The following TRIO variants were observed in gnomAD, a reference collection of about 807,000 sequenced individuals.
TRIO encodes trio Rho guanine nucleotide exchange factor, also known as triple functional domain protein.
Under a neutral mutation model 351.9 loss-of-function variants are expected in TRIO, and 58 were observed. The observed-to-expected ratio is 0.16, with a 90% confidence interval of 0.13 to 0.21. The LOEUF is 0.21. Ranked by LOEUF, TRIO falls within the 10% of genes least tolerant of loss-of-function variation. The pLI is 1.00. For synonymous variants in TRIO, 1,758 were observed against 1,595.7 expected (o/e 1.10, Z -2.42); for missense variants, 3,201 against 4,027.8 (o/e 0.79, Z 5.56).
intron 1 of TRIO, among the ~76,000 whole-genome samples, chr5:14,147,694 A>C (rs947663154): frequency 2.1e-4 from 32 of 152,192 alleles, no homozygotes; most frequent in African/African-American, 7.7e-4. Context: ...ACATACTTTT[A>C]TATATTTTGA....
intron 11 of TRIO, among the ~76,000 whole-genome samples, chr5:14,353,580 G>A (rs766877513): frequency 1.1e-4 from 16 of 152,104 alleles, no homozygotes; most frequent in Non-Finnish European, 2.4e-4. Context: ...ACTTTTTGAG[G>A]CAGGCATTAT....
rs2126624219 is a variant in TRIO at position 14,485,093 on chromosome 5, A to T, written c.6682A>T (p.Asn2228Tyr). The T allele has an allele frequency of 6.5e-7, 1 of 1,545,436 alleles. No homozygotes were observed. The highest frequency in any genetic ancestry group is 1.7e-4 in the Middle Eastern group (1 of 5,784). ...GGTGAGTTGCCTTTGCCTGGAGGAA[A>T]ATGTGGAAAATGATCCCTGTAAATT... ...IKVSCLCLEE[N>Y]VENDPCKFAL... The change falls in exon 47 of 57, where the codon AAT becomes TAT. Residue 2228 changes from asparagine to tyrosine, a missense_variant. Transcript: ENST00000344204.
At chr5:14,344,961 A>G (rs772779625) in intron 11 of TRIO, among the ~76,000 whole-genome samples, 1 of 152,350 alleles carries the variant, frequency 6.6e-6, no homozygotes. Flanking sequence ...CTTAGATCCC[A>G]GCTAAAGTTT....
intron 3 of TRIO, among the ~76,000 whole-genome samples, chr5:14,283,929 G>A (rs375787050): frequency 1.0e-3 from 153 of 151,956 alleles, no homozygotes; most frequent in South Asian, 5.0e-3. Context: ...AATGTCTCTC[G>A]GTGGCTGTTG....
chr5:14,358,444 C>G, intron 12 of TRIO, 97 bp downstream of exon 12: 1 of 1,439,814 alleles, frequency 6.9e-7, no homozygotes, highest in Non-Finnish European at 9.5e-7. Flanking sequence ...CTCTGCTTCT[C>G]TGTCCAGCTG....
intron 28 of TRIO, 129 bp from the exon 29 acceptor site, chr5:14,396,914 C>T (rs1747649783): frequency 1.4e-6 from 1 of 710,732 alleles, no homozygotes; most frequent in Non-Finnish European, 2.4e-6. Context: ...TCTATGAGAA[C>T]ATATGCCCAG....
At chr5:14,485,312 C>G in intron 47 of TRIO, 66 bp downstream of exon 47, 1 of 1,460,260 alleles carries the variant, frequency 6.8e-7, no homozygotes, top group Non-Finnish European at 9.2e-7. Flanking sequence ...ATTTATCTTC[C>G]CTCTCCCATT....
At chr5:14,296,923 A>G in intron 6 of TRIO, 149 bp from the exon 7 acceptor site, 2 of 516,940 alleles carry the variant, frequency 3.9e-6, no homozygotes, top group Non-Finnish European at 6.6e-6. Context: ...GCAAATATGT[A>G]TAATATTATA....
chr5:14,479,849 A>G, intron 42 of TRIO, 70 bp from the exon 43 acceptor site: 1 of 1,413,998 alleles, frequency 7.1e-7, no homozygotes, highest in Admixed American at 1.8e-5. Context: ...CTTTCTGACA[A>G]TTACAAAGAC....
Position 14,389,926 on chromosome 5 carries a change from G to A in TRIO, c.4059-305G>A, listed in dbSNP as rs115754602. On this transcript the variant is annotated intron_variant, in intron 25 of 56. Transcript: ENST00000344204. ...GATGAGATGATGCTGGGGTCAGCAAGAGCGCAGTCCCCTCACCCCTCAGCA... is the reference window on the plus strand; with the variant it reads ...GATGAGATGATGCTGGGGTCAGCAAAAGCGCAGTCCCCTCACCCCTCAGCA... Among the ~76,000 whole-genome samples the A allele has an allele frequency of 9.8e-3, 1,488 of 152,338 alleles. 12 individuals carry two copies. Among genetic ancestry groups the A allele is most frequent in the Middle Eastern group, 0.017 (5 of 294 alleles).
intron 48 of TRIO, chr5:14,489,165 TA>T (rs903023608): frequency 6.1e-3 from 3,299 of 541,626 alleles, no homozygotes; most frequent in South Asian, 8.8e-3. Context: ...CTCTTTATAT[TA>T]AAAAAAAAAT....
chr5:14,503,176 C>G (rs1486666214), intron 54 of TRIO, among the ~76,000 whole-genome samples: 2 of 152,258 alleles, frequency 1.3e-5, no homozygotes, highest in Non-Finnish European at 2.9e-5. Context: ...GCTCTGCCTC[C>G]AGGGCCACAC....
chr5:14,253,061 C>G (rs1429038025), intron 1 of TRIO, among the ~76,000 whole-genome samples: 1 of 152,206 alleles, frequency 6.6e-6, no homozygotes, highest in Non-Finnish European at 1.5e-5. Flanking sequence ...GCCACTGATG[C>G]AAGTGACTCT....
Position 14,372,235 on chromosome 5 carries a change from G to A in TRIO, c.3217-1994G>A, listed in dbSNP as rs1371232366. ...CGGAGGGGGGGCGATGGTGGGGGAA[G>A]AAAGAGAGGCGGGGGTGTGAGAGAG... On this transcript the variant is annotated intron_variant, in intron 18 of 56. Coordinates refer to ENST00000344204, the MANE Select transcript of TRIO (RefSeq NM_007118.4). 3.8e-5 allele frequency among the ~76,000 whole-genome samples: 4 copies of A among 106,390 alleles called. No homozygotes were observed. In the Admixed American group the frequency reaches 4.5e-4, roughly 12 times the overall value. The allele number at this position is 106,390 out of a possible 152,430, so 69.8% of individuals were successfully genotyped here. A position where few individuals can be genotyped will look rare whatever the true frequency, so the allele number is the denominator to read the frequency against.
rs1190634948 is a variant in TRIO at position 14,152,947 on chromosome 5, T to C, written c.157+9065T>C. 3.9e-5 allele frequency among the ~76,000 whole-genome samples: 6 copies of C among 152,358 alleles called. No homozygotes were observed. In the East Asian group the frequency reaches 9.6e-4, roughly 24 times the overall value. ...TGGTATACATATTACTTTTCCAATATTTAATTGCAGAATTTGCAGGATTCA... is the reference window on the plus strand; with the variant it reads ...TGGTATACATATTACTTTTCCAATACTTAATTGCAGAATTTGCAGGATTCA... On this transcript the variant is annotated intron_variant, in intron 1 of 56. Coordinates refer to ENST00000344204, the MANE Select transcript of TRIO (RefSeq NM_007118.4).
At chr5:14,291,915 T>C (rs867219522) in intron 5 of TRIO, among the ~76,000 whole-genome samples, 1 of 151,952 alleles carries the variant, frequency 6.6e-6, no homozygotes, top group Admixed American at 6.6e-5. Context: ...AAAGTAACAG[T>C]TTCTGGGTAA....
At chr5:14,323,719 G>C (rs892619294) in intron 9 of TRIO, among the ~76,000 whole-genome samples, 16 of 152,216 alleles carry the variant, frequency 1.1e-4, no homozygotes, top group Non-Finnish European at 1.5e-5. Flanking sequence ...AATAAGACCA[G>C]TGATTTCATG....
At chr5:14,310,125 CACAAGAGAGTGAAGCAGTGTAA>C (rs1406909682) in intron 8 of TRIO, among the ~76,000 whole-genome samples, 2 of 152,230 alleles carry the variant, frequency 1.3e-5, no homozygotes. Flanking sequence ...TACAGTTGAT[CACAAGAGAGTGAAGCAGTGTAA>C]ACGTCGGAGA....
rs186941360 is a variant in TRIO, at chr5:14,312,366, A to G, written c.1501-4147A>G. Among the ~76,000 whole-genome samples, 669 of 152,346 alleles carry G rather than the reference A, an allele frequency of 4.4e-3. 4 individuals carry two copies. The highest frequency in any genetic ancestry group is 7.1e-3 in the Non-Finnish European group (483 of 68,028). On this transcript the variant is annotated intron_variant, in intron 8 of 56. Coordinates refer to ENST00000344204, the MANE Select transcript of TRIO (RefSeq NM_007118.4). ...TGGTAAAATTTTAAACTTACCTTTA[A>G]TTACTTTTTCTGCTTTAGTTAGTAC...
Sources: gnomAD v4.1 joint callset for allele counts (sites outside exome capture counted in the v4.1 genomes callset) on GRCh38, gnomAD v4.1.1 for gene constraint, MANE v1.5 for transcripts, NCBI Gene and HGNC (gene_info 2026-07-23, HGNC 2026-07-21) for gene names.